Variants in DACH1 observed in about 807,000 individuals in gnomAD.
DACH1 encodes dachshund family transcription factor 1.
DACH1 carries 12 observed loss-of-function variants against 54.2 expected under a neutral mutation model. The ratio of observed to expected loss-of-function variants is 0.22; its 90% CI spans 0.14 to 0.36. The LOEUF is 0.36. Ranked by LOEUF, DACH1 falls within the 10% of genes least tolerant of loss-of-function variation. DACH1 has a pLI of 1.00. For synonymous variants in DACH1, 386 were observed against 366.2 expected, an observed-to-expected ratio of 1.05 and a Z score of -0.62; for missense variants, 805 against 929.8, an observed-to-expected ratio of 0.87 and a Z score of 1.75.
At chr13:71,832,141 C>T (rs1026367098) in intron 1 of DACH1, among the ~76,000 whole-genome samples, 6 of 151,912 alleles carry the variant, frequency 3.9e-5, no homozygotes, top group African/African-American at 1.4e-4. Context: ...GGTGTTTAGA[C>T]AGTAAAGGAT....
At chr13:71,496,818 C>G (rs1871616827) in intron 6 of DACH1, among the ~76,000 whole-genome samples, 1 of 152,158 alleles carries the variant, frequency 6.6e-6, no homozygotes, top group South Asian at 2.1e-4. Flanking sequence ...ATCAAAATGA[C>G]TTTTATATAT....
intron 1 of DACH1, among the ~76,000 whole-genome samples, chr13:71,732,789 T>G (rs1356767738): frequency 6.6e-6 from 1 of 152,138 alleles, no homozygotes; most frequent in Non-Finnish European, 1.5e-5. Flanking sequence ...ACCACAAGGC[T>G]GGCAAAGCCT....
chr13:71,525,913 T>A (rs1431593491), intron 6 of DACH1, among the ~76,000 whole-genome samples: 1 of 152,046 alleles, frequency 6.6e-6, no homozygotes, highest in East Asian at 1.9e-4. Flanking sequence ...TCGAGACTGC[T>A]GCTGATATAC....
intron 1 of DACH1, among the ~76,000 whole-genome samples, chr13:71,830,194 G>T (rs1888530332): frequency 6.6e-6 from 1 of 151,876 alleles, no homozygotes; most frequent in Admixed American, 6.6e-5. Flanking sequence ...GAAAATATCT[G>T]AGAGGTTGCA....
chr13:71,510,940 T>C (rs895835101), intron 6 of DACH1, among the ~76,000 whole-genome samples: 1 of 152,010 alleles, frequency 6.6e-6, no homozygotes, highest in Non-Finnish European at 1.5e-5. Context: ...TAAAAAAACC[T>C]GAACCTTAAA....
chr13:71,685,056 G>C (rs1344659078), intron 1 of DACH1, among the ~76,000 whole-genome samples: 1 of 152,086 alleles, frequency 6.6e-6, no homozygotes, highest in African/African-American at 2.4e-5. Flanking sequence ...CCTTTAACTT[G>C]TTTTGATTTT....
At chr13:71,791,191 C>T (rs1269814843) in intron 1 of DACH1, among the ~76,000 whole-genome samples, 1 of 152,142 alleles carries the variant, frequency 6.6e-6, no homozygotes, top group African/African-American at 2.4e-5. Flanking sequence ...ACTCTCTTTA[C>T]TTACACCTAA....
rs1880925848 is a variant in DACH1 at position 71,681,925 on chromosome 13, C to T, written c.849-15G>A. ...CAGGTCTAGAACTGAAACAAACAAA[C>T]AAAAAATTTTTACAATTAAGCTATT... On this transcript the variant is annotated splice_polypyrimidine_tract_variant and intron_variant, in intron 1 of 10. Coordinates refer to ENST00000613252, the MANE Select transcript of DACH1 (RefSeq NM_080759.6). The T allele has an allele frequency of 1.3e-6, 2 of 1,555,508 alleles. No individual in the cohort carries two copies. Among genetic ancestry groups the T allele is most frequent in the Non-Finnish European group, 1.8e-6 (2 of 1,134,836 alleles).
At chr13:71,744,281 A>G (rs1178621634) in intron 1 of DACH1, among the ~76,000 whole-genome samples, 2 of 152,228 alleles carry the variant, frequency 1.3e-5, no homozygotes, top group East Asian at 1.9e-4. Context: ...AGTTTACAAG[A>G]AAAGAAGTAC....
chr13:71,619,594 G>T, intron 3 of DACH1, among the ~76,000 whole-genome samples: 1 of 151,892 alleles, frequency 6.6e-6, no homozygotes, highest in South Asian at 2.1e-4. Context: ...TCAGTGAAAA[G>T]ACAGTAGATA....
chr13:71,486,993 T>C (rs1878586811), intron 7 of DACH1, among the ~76,000 whole-genome samples: 1 of 151,906 alleles, frequency 6.6e-6, no homozygotes, highest in East Asian at 1.9e-4. Flanking sequence ...TACAGGCACC[T>C]GCCACTATGC....
chr13:71,763,932 T>C (rs961357746), intron 1 of DACH1, among the ~76,000 whole-genome samples: 3 of 152,192 alleles, frequency 2.0e-5, no homozygotes, highest in East Asian at 1.9e-4. Flanking sequence ...TTGCAAAACA[T>C]TTTATTCATT....
chr13:71,678,419 G>C (rs1280138255), intron 2 of DACH1, among the ~76,000 whole-genome samples: 2 of 152,126 alleles, frequency 1.3e-5, no homozygotes, highest in East Asian at 3.9e-4. Context: ...AAATCATACT[G>C]AATATATGAA....
intron 6 of DACH1, among the ~76,000 whole-genome samples, chr13:71,550,581 T>C (rs1883749820): frequency 1.3e-5 from 2 of 152,170 alleles, no homozygotes; most frequent in Non-Finnish European, 2.9e-5. Flanking sequence ...AGGGCTGTTA[T>C]GAATATCTTA....
At chr13:71,674,658 G>T (rs1880434868) in intron 2 of DACH1, among the ~76,000 whole-genome samples, 1 of 139,252 alleles carries the variant, frequency 7.2e-6, no homozygotes, top group African/African-American at 2.7e-5. Context: ...TTTTGGACTC[G>T]CAACCTCCAT....
At chr13:71,520,127 G>A (rs1038130410) in intron 6 of DACH1, among the ~76,000 whole-genome samples, 4 of 151,214 alleles carry the variant, frequency 2.6e-5, no homozygotes, top group Non-Finnish European at 5.9e-5. Context: ...ACTAGTTGAA[G>A]TCAAATTTGG....
chr13:71,506,587 C>T (rs1366702913), intron 6 of DACH1, among the ~76,000 whole-genome samples: 4 of 149,294 alleles, frequency 2.7e-5, no homozygotes, highest in South Asian at 2.1e-4. Flanking sequence ...AAAAAGAGCC[C>T]GCATCGCCAA....
intron 1 of DACH1, among the ~76,000 whole-genome samples, chr13:71,779,010 A>G (rs1331487844): frequency 1.3e-5 from 2 of 151,542 alleles, no homozygotes; most frequent in East Asian, 3.9e-4. Flanking sequence ...CTTAACTTTG[A>G]TACCTTTTCT....
intron 2 of DACH1, among the ~76,000 whole-genome samples, chr13:71,649,873 A>G (rs1288703586): frequency 6.6e-6 from 1 of 152,184 alleles, no homozygotes; most frequent in Non-Finnish European, 1.5e-5. Flanking sequence ...CTTTGAATAT[A>G]TAGTCACTAA....
Sources: gnomAD v4.1 joint callset for allele counts (sites outside exome capture counted in the v4.1 genomes callset) on GRCh38, gnomAD v4.1.1 for gene constraint, MANE v1.5 for transcripts, NCBI Gene and HGNC (gene_info 2026-07-23, HGNC 2026-07-21) for gene names.